SLC25A48: variants seen among roughly 807,000 people sequenced by gnomAD.
The protein encoded by SLC25A48 is solute carrier family 25 member 48.
SLC25A48 carries 29 observed loss-of-function variants against 32.2 expected under a neutral mutation model. That is an observed-to-expected ratio of 0.90 (90% CI 0.67 to 1.23). The LOEUF (loss-of-function observed/expected upper bound fraction) is 1.23, where lower values mean the gene tolerates loss of function less well. SLC25A48 is among the 50% of genes most tolerant of loss of function. The probability of loss-of-function intolerance (pLI) is 0.00; values close to 1 mark genes in which losing one functional copy is unlikely to be tolerated. For synonymous variants in SLC25A48, 164 were observed against 172.3 expected, an observed-to-expected ratio of 0.95 and a Z score of 0.38; for missense variants, 399 against 422.7, an observed-to-expected ratio of 0.94 and a Z score of 0.49.
chr5:135,837,269 G>C (rs1342388958), intron 1 of SLC25A48, among the ~76,000 whole-genome samples: 1 of 152,136 alleles, frequency 6.6e-6, no homozygotes, highest in Admixed American at 6.5e-5. Context: ...CCTCTGCCCA[G>C]TTTAGTAGGT....
intron 3 of SLC25A48, among the ~76,000 whole-genome samples, chr5:135,776,540 G>T (rs561186170): frequency 6.6e-6 from 1 of 151,922 alleles, no homozygotes; most frequent in South Asian, 2.1e-4. Context: ...ATATTGCAAG[G>T]TATGTACACC....
chr5:135,786,756 G>T (rs1414907093), intron 3 of SLC25A48, among the ~76,000 whole-genome samples: 1 of 151,458 alleles, frequency 6.6e-6, no homozygotes, highest in African/African-American at 2.4e-5. Context: ...TGTCGCAGTG[G>T]GTGTACACCC....
At chr5:135,739,266 C>T (rs550462078) in intron 3 of SLC25A48, among the ~76,000 whole-genome samples, 1 of 152,224 alleles carries the variant, frequency 6.6e-6, no homozygotes, top group Non-Finnish European at 1.5e-5. Flanking sequence ...TACAAGTGCT[C>T]ACCATCATGC....
chr5:135,638,567 TG>T (rs1399112072), intron 3 of SLC25A48, among the ~76,000 whole-genome samples: 2 of 152,294 alleles, frequency 1.3e-5, no homozygotes, highest in East Asian at 3.9e-4. Context: ...CTGAGTTGTG[TG>T]CAGTGGATTG....
chr5:135,671,034 A>G (rs1220747981), intron 3 of SLC25A48, among the ~76,000 whole-genome samples: 1 of 152,190 alleles, frequency 6.6e-6, no homozygotes, highest in African/African-American at 2.4e-5. Flanking sequence ...GCCTGCTGTC[A>G]TGGCACGGAC....
chr5:135,681,763 A>T (rs1251388103), intron 3 of SLC25A48, among the ~76,000 whole-genome samples: 1 of 152,198 alleles, frequency 6.6e-6, no homozygotes, highest in Non-Finnish European at 1.5e-5. Context: ...AAGCTTTGTT[A>T]TTCAAGGCCA....
chr5:135,588,803 G>T (rs1751436021), intron 1 of SLC25A48, among the ~76,000 whole-genome samples: 1 of 152,108 alleles, frequency 6.6e-6, no homozygotes, highest in Admixed American at 6.5e-5. Flanking sequence ...CAGGGAGTGT[G>T]GGCAGCAAGA....
chr5:135,862,744 C>T (rs975517110), intron 4 of SLC25A48, among the ~76,000 whole-genome samples: 1 of 152,114 alleles, frequency 6.6e-6, no homozygotes, highest in African/African-American at 2.4e-5. Context: ...GTGGGAACAA[C>T]ATAGGGGAAG....
At chr5:135,702,743 C>T (rs6864185) in intron 3 of SLC25A48, among the ~76,000 whole-genome samples, 109,377 of 152,186 alleles carry the variant, frequency 0.72, 40,257 homozygotes, top group Middle Eastern at 0.83. Context: ...GCCAGGAAGC[C>T]TGTACAATAT....
chr5:135,825,729 C>T (rs877356), intron 4 of SLC25A48: 28,007 of 152,698 alleles, frequency 0.18, 2,860 homozygotes, highest in East Asian at 0.43. Context: ...CTGCAGGTCT[C>T]GGCAGAGTTC....
chr5:135,597,192 G>A (rs997393945), intron 1 of SLC25A48, among the ~76,000 whole-genome samples: 1 of 152,172 alleles, frequency 6.6e-6, no homozygotes, highest in African/African-American at 2.4e-5. Context: ...GTAGTGCCAG[G>A]CACATATCTC....
rs1752512914 is a variant in SLC25A48 at position 135,629,675 on chromosome 5, G to T, written c.-709+299G>T. Among the ~76,000 whole-genome samples, 4 of 152,232 alleles carry T rather than the reference G, an allele frequency of 2.6e-5. No homozygotes were observed. The South Asian group carries it at 8.3e-4, about 32-fold the overall frequency. On this transcript the variant is annotated intron_variant, in intron 2 of 10. Transcript: ENST00000646290. The surrounding 1 kb of genome is among the most constrained non-coding windows in gnomAD (Gnocchi z 4.8). ...TCAGGCTCAACAGCTCTGGAAGACGGTGTGAAATGTGATCAGTTATCACAA... is the reference window on the plus strand; with the variant it reads ...TCAGGCTCAACAGCTCTGGAAGACGTTGTGAAATGTGATCAGTTATCACAA...
chr5:135,756,219 A>T (rs1714504998), intron 3 of SLC25A48, among the ~76,000 whole-genome samples: 1 of 152,118 alleles, frequency 6.6e-6, no homozygotes, highest in South Asian at 2.1e-4. Flanking sequence ...ACAAAATGAT[A>T]TCTATAAAAT....
intron 3 of SLC25A48, among the ~76,000 whole-genome samples, chr5:135,756,884 A>T (rs1306653921): frequency 2.6e-5 from 4 of 151,478 alleles, no homozygotes; most frequent in Non-Finnish European, 5.9e-5. Flanking sequence ...TATCTAAATG[A>T]TATTTATAAT....
At chr5:135,662,742 T>C (rs1753433496) in intron 3 of SLC25A48, among the ~76,000 whole-genome samples, 1 of 152,216 alleles carries the variant, frequency 6.6e-6, no homozygotes, top group South Asian at 2.1e-4. Context: ...CTTTTGCTTC[T>C]GTGACACTAC....
intron 2 of SLC25A48, among the ~76,000 whole-genome samples, chr5:135,847,609 G>T (rs893090451): frequency 6.6e-6 from 1 of 152,190 alleles, no homozygotes; most frequent in African/African-American, 2.4e-5. Flanking sequence ...GTCCTTATAA[G>T]AGGGAGGTGG....
At chr5:135,684,435 A>C (rs1157448601) in intron 3 of SLC25A48, among the ~76,000 whole-genome samples, 2 of 152,186 alleles carry the variant, frequency 1.3e-5, no homozygotes, top group Non-Finnish European at 2.9e-5. Flanking sequence ...GAAGAGAAGG[A>C]AGCAGGATTG....
At chr5:135,841,576 G>C (rs925102946) in intron 1 of SLC25A48, among the ~76,000 whole-genome samples, 7 of 152,134 alleles carry the variant, frequency 4.6e-5, no homozygotes, top group Non-Finnish European at 1.0e-4. Context: ...GTGAAGTTGG[G>C]AGAAGTGGCC....
At chr5:135,597,561 A>G (rs551510485) in intron 1 of SLC25A48, among the ~76,000 whole-genome samples, 72 of 152,320 alleles carry the variant, frequency 4.7e-4, no homozygotes, top group Middle Eastern at 3.4e-3. Flanking sequence ...TGCCGATAGA[A>G]ACAATCAAAG....
Sources: allele counts gnomAD v4.1 joint callset (sites outside exome capture counted in the v4.1 genomes callset), GRCh38; gene constraint gnomAD v4.1.1; non-coding constraint Gnocchi (gnomAD v3.1); transcripts MANE v1.5; gene names NCBI Gene and HGNC (gene_info 2026-07-23, HGNC 2026-07-21).